Variants in ARL8B observed in about 807,000 individuals in gnomAD.
The protein encoded by ARL8B is ADP-ribosylation factor-like protein 8B.
A neutral mutation model predicts 30.6 loss-of-function variants in ARL8B; 9 were observed. The ratio of observed to expected loss-of-function variants is 0.29; its 90% confidence interval spans 0.18 to 0.51. The LOEUF is 0.51. Ranked by LOEUF, ARL8B falls within the 20% of genes least tolerant of loss-of-function variation. The pLI is 0.97. For missense variants in ARL8B, 130 were observed against 227.2 expected (o/e 0.57, Z 2.75); for synonymous variants, 74 against 76.0 (o/e 0.97, Z 0.14).
At chr3:5,174,471 GCTT>G in intron 6 of ARL8B, 57 bp downstream of exon 6, 1 of 1,078,198 alleles carries the variant, frequency 9.3e-7, no homozygotes, top group South Asian at 1.3e-5. Flanking sequence ...GAATGTCTAT[GCTT>G]CTTACAGCTT....
At chr3:5,136,042 C>G (rs1015524665) in intron 1 of ARL8B, among the ~76,000 whole-genome samples, 2 of 151,730 alleles carry the variant, frequency 1.3e-5, no homozygotes, top group African/African-American at 4.8e-5. Flanking sequence ...CCCGCCTCGG[C>G]CTCCCAAAGT....
intron 1 of ARL8B, among the ~76,000 whole-genome samples, chr3:5,165,518 A>C (rs2054616159): frequency 6.6e-6 from 1 of 152,150 alleles, no homozygotes; most frequent in African/African-American, 2.4e-5. Flanking sequence ...AAAAGAAAGA[A>C]AAGACCACTC....
intron 1 of ARL8B, among the ~76,000 whole-genome samples, chr3:5,145,057 T>G (rs2054406749): frequency 1.3e-5 from 2 of 150,772 alleles, no homozygotes; most frequent in Admixed American, 1.3e-4. Context: ...AGTGTTTATT[T>G]CCATCAGTGA....
intron 1 of ARL8B, among the ~76,000 whole-genome samples, chr3:5,133,644 G>T (rs541377517): frequency 6.6e-6 from 1 of 152,148 alleles, no homozygotes; most frequent in Non-Finnish European, 1.5e-5. Flanking sequence ...TGTATTACAG[G>T]CTGGGGCGTG....
chr3:5,156,731 G>C (rs2054536402), intron 1 of ARL8B, among the ~76,000 whole-genome samples: 1 of 152,162 alleles, frequency 6.6e-6, no homozygotes. Context: ...TGGGATTTCA[G>C]GCATGCGCCA....
At position 5,122,556 on chromosome 3, in the gene ARL8B, T is replaced by A; in HGVS notation, c.91T>A (p.Ser31Thr). The A allele has an allele frequency of 6.2e-7, 1 of 1,611,246 alleles. No homozygotes were observed. The change falls in exon 1 of 7, where the codon TCG (serine) becomes ACG (threonine). Residue 31 changes from serine (S) to threonine (T), a missense_variant. By Grantham distance (58) the Ser-to-Thr change is moderately conservative (BLOSUM62 1). Coordinates refer to ENST00000256496, the MANE Select transcript of ARL8B (RefSeq NM_018184.3). ...MELTLVGLQYSGKTTFVNVIA... is the reference protein window; with the variant it reads ...MELTLVGLQYTGKTTFVNVIA... ...GCTGACGCTCGTGGGGCTGCAGTACTCGGGCAAGACCACCTTCGTCAATGT... is the reference window on the plus strand; with the variant it reads ...GCTGACGCTCGTGGGGCTGCAGTACACGGGCAAGACCACCTTCGTCAATGT...
intron 1 of ARL8B, among the ~76,000 whole-genome samples, chr3:5,135,433 T>C (rs1330772115): frequency 6.6e-6 from 1 of 151,602 alleles, no homozygotes; most frequent in Non-Finnish European, 1.5e-5. Flanking sequence ...GTGTGAGCCA[T>C]TGTTCCTGGC....
chr3:5,130,234 G>A (rs759025251), intron 1 of ARL8B, among the ~76,000 whole-genome samples: 11 of 148,468 alleles, frequency 7.4e-5, no homozygotes, highest in Non-Finnish European at 1.3e-4. Context: ...GTGTTGCTCA[G>A]CCTGGTCCCG....
chr3:5,125,509 A>G lies in ARL8B; in HGVS notation c.123+2921A>G, dbSNP rs116358114. Among the ~76,000 whole-genome samples, 1,341 of 150,610 alleles carry G rather than the reference A, an allele frequency of 8.9e-3. 16 individuals are homozygous for G. Among genetic ancestry groups the G allele is most frequent in the African/African-American group, 0.031 (1,260 of 40,800 alleles). On this transcript the variant is annotated intron_variant, in intron 1 of 6. Transcript: ENST00000256496. The stretch of plus-strand genomic sequence containing the variant: ...AAACTTCTGCAAAGCTGTTGAAGTC[A>G]AAGTGAACCAGTGGCTCCACCATTA...
intron 1 of ARL8B, among the ~76,000 whole-genome samples, chr3:5,141,853 T>C (rs898300814): frequency 7.2e-5 from 11 of 152,216 alleles, no homozygotes; most frequent in East Asian, 3.8e-4. Flanking sequence ...CTGAGTATAA[T>C]TGATGAATCT....
intron 1 of ARL8B, among the ~76,000 whole-genome samples, chr3:5,131,350 G>A (rs372640052): frequency 3.3e-5 from 5 of 151,566 alleles, no homozygotes; most frequent in Non-Finnish European, 5.9e-5. Flanking sequence ...TAGCTATTTC[G>A]TTTCTAGCTT....
At chr3:5,137,599 TG>T in intron 1 of ARL8B, among the ~76,000 whole-genome samples, 1 of 152,076 alleles carries the variant, frequency 6.6e-6, no homozygotes, top group Admixed American at 6.6e-5. Context: ...CCACCATGCC[TG>T]GGTAATTTTT....
chr3:5,149,371 C>T (rs1419781729), intron 1 of ARL8B, among the ~76,000 whole-genome samples: 3 of 152,244 alleles, frequency 2.0e-5, no homozygotes, highest in Non-Finnish European at 2.9e-5. Flanking sequence ...CCACTCCATG[C>T]AGGCACAGAG....
At chr3:5,173,366 ATCCAAAAAATT>A (rs1264339128) in intron 4 of ARL8B, among the ~76,000 whole-genome samples, 4 of 152,230 alleles carry the variant, frequency 2.6e-5, no homozygotes, top group Non-Finnish European at 4.4e-5. Flanking sequence ...TATAATGCAA[ATCCAAAAAATT>A]TCCAAAATTC....
At chr3:5,150,845 G>T (rs372541050) in intron 1 of ARL8B, among the ~76,000 whole-genome samples, 3 of 152,186 alleles carry the variant, frequency 2.0e-5, no homozygotes, top group African/African-American at 7.2e-5. Flanking sequence ...TTCTAGTCCC[G>T]GGATTTCTTT....
At chr3:5,150,893 TAGAG>T (rs1288392216) in intron 1 of ARL8B, among the ~76,000 whole-genome samples, 4 of 152,244 alleles carry the variant, frequency 2.6e-5, no homozygotes, top group African/African-American at 9.6e-5. Context: ...ATTTCTTCAG[TAGAG>T]AGAGGGCCGT....
chr3:5,164,504 A>G (rs1199058931), intron 1 of ARL8B, among the ~76,000 whole-genome samples: 1 of 152,228 alleles, frequency 6.6e-6, no homozygotes, highest in Non-Finnish European at 1.5e-5. Context: ...CTAGGATCAA[A>G]CTGTGGTTAA....
At position 5,179,868 on chromosome 3, in the gene ARL8B, A is replaced by C. The variant is rs1423124379; in HGVS notation, c.*1155A>C. On this transcript the variant is annotated 3_prime_UTR_variant, in exon 7 of 7. Coordinates refer to ENST00000256496, the MANE Select transcript of ARL8B (RefSeq NM_018184.3). ...TACAGGTTGTTTAATAATCAGTCAC[A>C]CAGAGAACTGAGGAACTGATGCTGT... 1 of 152,550 alleles carries C rather than the reference A, an allele frequency of 6.6e-6. No individual in the cohort carries two copies. The highest frequency in any genetic ancestry group is 1.9e-4 in the East Asian group (1 of 5,202). The allele number at this position is 152,550 out of a possible 1,614,324, so 9.4% of individuals were successfully genotyped here.
At chr3:5,157,910 C>A (rs1223971367) in intron 1 of ARL8B, 1 of 152,028 alleles carries the variant, frequency 6.6e-6, no homozygotes, top group African/African-American at 2.4e-5. Context: ...GATTGTGCTT[C>A]AAGTTCTAGT....
Sources: allele counts gnomAD v4.1 joint callset (sites outside exome capture counted in the v4.1 genomes callset), GRCh38; gene constraint gnomAD v4.1.1; transcripts MANE v1.5; gene names NCBI Gene and HGNC (gene_info 2026-07-23, HGNC 2026-07-21).